The following CHSY3 variants were observed in gnomAD, a reference collection of about 807,000 sequenced individuals.
The protein encoded by CHSY3 is N-acetylgalactosaminyl-proteoglycan 3-beta-glucuronosyltransferase 3.
CHSY3 carries 35 observed loss-of-function variants against 67.2 expected under a neutral mutation model. The observed-to-expected ratio is 0.52, with a 90% CI of 0.40 to 0.69. The LOEUF is 0.69. Ranked by LOEUF, CHSY3 falls within the 30% of genes least tolerant of loss-of-function variation. The pLI, the probability that CHSY3 is intolerant of heterozygous loss-of-function variation, is 0.00. For missense variants in CHSY3, 1,069 were observed against 1,138.5 expected, an observed-to-expected ratio of 0.94 and a Z score of 0.88; for synonymous variants, 474 against 434.7, an observed-to-expected ratio of 1.09 and a Z score of -1.12.
intron 2 of CHSY3, among the ~76,000 whole-genome samples, chr5:130,143,302 C>A (rs1428465920): frequency 6.6e-6 from 1 of 151,980 alleles, no homozygotes; most frequent in Non-Finnish European, 1.5e-5. Context: ...GATTACAAGA[C>A]ATAATATTGA....
intron 2 of CHSY3, among the ~76,000 whole-genome samples, chr5:130,065,927 C>A (rs761098502): frequency 1.6e-4 from 25 of 152,072 alleles, no homozygotes; most frequent in Non-Finnish European, 3.7e-4. Context: ...GTTCATACTG[C>A]TTTATATTAC....
chr5:130,022,893 G>A (rs956181920), intron 2 of CHSY3, among the ~76,000 whole-genome samples: 1 of 151,896 alleles, frequency 6.6e-6, no homozygotes, highest in African/African-American at 2.4e-5. Context: ...GAAACTTCCA[G>A]TAAAATGTGA....
chr5:130,072,721 A>C (rs898995980), intron 2 of CHSY3, among the ~76,000 whole-genome samples: 5 of 152,136 alleles, frequency 3.3e-5, no homozygotes, highest in African/African-American at 1.2e-4. Context: ...TTTGATAAGA[A>C]TGCATTGAAA....
rs111975020 is a variant in CHSY3, at chr5:130,120,878, C to T, written c.1087-63351C>T. 3.0e-3 allele frequency among the ~76,000 whole-genome samples: 463 copies of T among 152,270 alleles called. 2 individuals are homozygous for T. Among genetic ancestry groups the T allele is most frequent in the African/African-American group, 0.011 (444 of 41,548 alleles). ...AAATGTTAGAATGTGGCCTGCACAC[C>T]GCTTTCCATATCCCTGAGTCTAGGT... On this transcript the variant is annotated intron_variant, in intron 2 of 2. Coordinates refer to ENST00000305031, the MANE Select transcript of CHSY3 (RefSeq NM_175856.5).
chr5:130,088,634 C>T (rs1295085517), intron 2 of CHSY3, among the ~76,000 whole-genome samples: 2 of 152,142 alleles, frequency 1.3e-5, no homozygotes, highest in Admixed American at 6.5e-5. Context: ...CTCACCATCA[C>T]TGGCCATCAA....
chr5:130,072,921 T>A (rs1766130530), intron 2 of CHSY3, among the ~76,000 whole-genome samples: 1 of 152,116 alleles, frequency 6.6e-6, no homozygotes, highest in African/African-American at 2.4e-5. Flanking sequence ...TGATCTCACT[T>A]ATATATGGAA....
intron 2 of CHSY3, among the ~76,000 whole-genome samples, chr5:130,017,348 C>T (rs1490662280): frequency 6.6e-6 from 1 of 152,004 alleles, no homozygotes; most frequent in Non-Finnish European, 1.5e-5. Context: ...ACTTGAGATC[C>T]CCTGTCAAAC....
chr5:129,933,257 T>C (rs1222567646), intron 2 of CHSY3, among the ~76,000 whole-genome samples: 1 of 152,092 alleles, frequency 6.6e-6, no homozygotes, highest in Non-Finnish European at 1.5e-5. Flanking sequence ...CCATTATCCA[T>C]CCATTAAAAG....
chr5:130,093,025 A>G (rs1250641526), intron 2 of CHSY3, among the ~76,000 whole-genome samples: 1 of 152,208 alleles, frequency 6.6e-6, no homozygotes, highest in Non-Finnish European at 1.5e-5. Context: ...AAAGGAACTC[A>G]GATAAAACAA....
intron 2 of CHSY3, among the ~76,000 whole-genome samples, chr5:129,908,677 C>A (rs1561449612): frequency 2.6e-5 from 4 of 152,104 alleles, no homozygotes; most frequent in Non-Finnish European, 5.9e-5. Context: ...CCTTTTCTAA[C>A]AAGAGGTTTA....
chr5:130,178,244 TATATA>T (rs1770124959), intron 2 of CHSY3, among the ~76,000 whole-genome samples: 1 of 75,264 alleles, frequency 1.3e-5, no homozygotes, highest in African/African-American at 5.7e-5. Flanking sequence ...TATATATATA[TATATA>T]TATATTTTTT....
At chr5:130,131,365 C>G (rs951339001) in intron 2 of CHSY3, among the ~76,000 whole-genome samples, 1 of 152,158 alleles carries the variant, frequency 6.6e-6, no homozygotes, top group Non-Finnish European at 1.5e-5. Context: ...GCTGTTTCCA[C>G]TCAACTTTCC....
chr5:130,121,647 G>A (rs77914315), intron 2 of CHSY3, among the ~76,000 whole-genome samples: 8 of 151,908 alleles, frequency 5.3e-5, no homozygotes, highest in African/African-American at 1.9e-4. Flanking sequence ...GGGTAATTTA[G>A]GGCAGCAATA....
chr5:130,119,661 A>G (rs935969876), intron 2 of CHSY3, among the ~76,000 whole-genome samples: 1 of 152,110 alleles, frequency 6.6e-6, no homozygotes, highest in Non-Finnish European at 1.5e-5. Flanking sequence ...CATTCATGTC[A>G]TTTCCCAAAT....
intron 2 of CHSY3, among the ~76,000 whole-genome samples, chr5:129,918,829 C>A (rs544278486): frequency 1.3e-5 from 2 of 150,966 alleles, no homozygotes; most frequent in African/African-American, 4.9e-5. Flanking sequence ...AAAAATTGGC[C>A]GGGCGCGGTG....
intron 2 of CHSY3, among the ~76,000 whole-genome samples, chr5:130,165,574 G>C (rs1177658952): frequency 2.6e-5 from 4 of 151,554 alleles, no homozygotes; most frequent in African/African-American, 9.7e-5. Flanking sequence ...GTTTAGAAAA[G>C]GTAAATATTT....
intron 2 of CHSY3, among the ~76,000 whole-genome samples, chr5:130,040,686 T>G (rs1358393321): frequency 6.6e-6 from 1 of 152,086 alleles, no homozygotes; most frequent in African/African-American, 2.4e-5. Flanking sequence ...GCACTCAAAA[T>G]GAGCAAATTG....
chr5:130,128,214 G>A lies in CHSY3; in HGVS notation c.1087-56015G>A, dbSNP rs984767804. On this transcript the variant is annotated intron_variant, in intron 2 of 2. Coordinates refer to ENST00000305031, the MANE Select transcript of CHSY3 (RefSeq NM_175856.5). ...AAAATATTTTTAGTAGCCAAGATGTGGAAGAAGAAAATGTGGTGTGTGTGT... is the reference window on the plus strand; with the variant it reads ...AAAATATTTTTAGTAGCCAAGATGTAGAAGAAGAAAATGTGGTGTGTGTGT... Among the ~76,000 whole-genome samples the A allele has an allele frequency of 1.3e-4, 18 of 140,464 alleles. 1 individual carries two copies. The highest frequency in any genetic ancestry group is 7.7e-4 in the Admixed American group (10 of 13,012). The allele number at this position is 140,464 out of a possible 152,430, so 92.1% of individuals were successfully genotyped here. A position where few individuals can be genotyped will look rare whatever the true frequency, so the allele number is the denominator to read the frequency against.
At chr5:130,026,020 G>A (rs554220211) in intron 2 of CHSY3, among the ~76,000 whole-genome samples, 3 of 152,230 alleles carry the variant, frequency 2.0e-5, no homozygotes, top group East Asian at 1.9e-4. Flanking sequence ...AGAGATTCTG[G>A]TGACTCTAAG....
Sources: allele counts gnomAD v4.1 joint callset (sites outside exome capture counted in the v4.1 genomes callset), GRCh38; gene constraint gnomAD v4.1.1; transcripts MANE v1.5; gene names NCBI Gene and HGNC (gene_info 2026-07-23, HGNC 2026-07-21).